The following ZNRF3 variants were observed in gnomAD, a reference collection of about 807,000 sequenced individuals.
ZNRF3 encodes the protein E3 ubiquitin-protein ligase ZNRF3.
Under a neutral mutation model 72.5 loss-of-function variants are expected in ZNRF3, and 23 were observed. The ratio of observed to expected loss-of-function variants is 0.32; its 90% CI spans 0.23 to 0.45. The LOEUF (loss-of-function observed/expected upper bound fraction) is 0.45, where lower values mean the gene tolerates loss of function less well. Ranked by LOEUF, ZNRF3 falls within the 20% of genes least tolerant of loss-of-function variation. ZNRF3 has a pLI of 1.00. For synonymous variants in ZNRF3, 610 were observed against 545.3 expected (o/e 1.12, Z -1.65); for missense variants, 1,169 against 1,272.1 (o/e 0.92, Z 1.23).
intron 2 of ZNRF3, among the ~76,000 whole-genome samples, chr22:29,037,046 G>A (rs1224454239): frequency 2.0e-5 from 3 of 152,186 alleles, no homozygotes; most frequent in African/African-American, 7.2e-5. Flanking sequence ...TGGGACAAAT[G>A]AGATTTTTAG....
chr22:29,025,247 G>T (rs972467628), intron 2 of ZNRF3: 3 of 152,184 alleles, frequency 2.0e-5, no homozygotes, highest in Admixed American at 1.3e-4. Flanking sequence ...CTCCCAAAGT[G>T]CTGGGATTAC....
In ZNRF3 at chr22:29,049,662, G is replaced by A. The variant is rs1214956264; in HGVS notation, c.1481G>A (p.Gly494Asp). The A allele has an allele frequency of 1.2e-6, 2 of 1,609,084 alleles. No homozygotes were observed. Among genetic ancestry groups the A allele is most frequent in the Admixed American group, 1.7e-5 (1 of 59,880 alleles). The change falls in exon 8 of 9, where the codon GGC becomes GAC. Residue 494 changes from glycine (G) to aspartate (D), a missense_variant. Coordinates refer to ENST00000544604, the MANE Select transcript of ZNRF3 (RefSeq NM_001206998.2). The surrounding 1 kb of genome is among the most constrained non-coding windows in gnomAD (Gnocchi z 5.2). ...TCCCCACCTAGCCTCGCACCCCGGG[G>A]CCCGGCCCGTGCCTTTCCTCCGAGC... ...GQSPPSLAPR[G>D]PARAFPPSGS...
At chr22:28,975,683 G>A (rs1043529402) in intron 1 of ZNRF3, among the ~76,000 whole-genome samples, 20 of 152,052 alleles carry the variant, frequency 1.3e-4, no homozygotes, top group Middle Eastern at 3.4e-3. Flanking sequence ...ATTGCAGTGA[G>A]CTGAGATCGC....
chr22:28,942,126 C>T (rs182089308), intron 1 of ZNRF3, among the ~76,000 whole-genome samples: 1 of 152,362 alleles, frequency 6.6e-6, no homozygotes, highest in African/African-American at 2.4e-5. Context: ...ATGTGTACCT[C>T]TAGCCCGGTG....
intron 1 of ZNRF3, among the ~76,000 whole-genome samples, chr22:28,885,339 G>A (rs1465592689): frequency 1.3e-5 from 2 of 152,064 alleles, no homozygotes; most frequent in Non-Finnish European, 2.9e-5. Context: ...GCCTTACCGG[G>A]CTCTTATCCC....
intron 1 of ZNRF3, among the ~76,000 whole-genome samples, chr22:28,940,384 C>T (rs2034918861): frequency 6.6e-6 from 1 of 151,938 alleles, no homozygotes; most frequent in South Asian, 2.1e-4. Flanking sequence ...TATTTTTTTT[C>T]TCCTTCTGGA....
chr22:28,973,644 C>G (rs1470431140), intron 1 of ZNRF3, among the ~76,000 whole-genome samples: 1 of 152,172 alleles, frequency 6.6e-6, no homozygotes, highest in African/African-American at 2.4e-5. Context: ...AGGCCCTTCA[C>G]TAAAGTGCTC....
At chr22:29,016,014 CAAA>C (rs34796724) in intron 2 of ZNRF3, among the ~76,000 whole-genome samples, 1 of 102,458 alleles carries the variant, frequency 9.8e-6, no homozygotes, top group Non-Finnish European at 2.0e-5. Context: ...GAAACTGTCT[CAAA>C]AAAAAAAAAA....
At chr22:28,920,503 T>C (rs528856930) in intron 1 of ZNRF3, among the ~76,000 whole-genome samples, 2 of 152,262 alleles carry the variant, frequency 1.3e-5, no homozygotes, top group South Asian at 4.1e-4. Context: ...ACTCCTGACC[T>C]CAAGTGATCC....
intron 1 of ZNRF3, among the ~76,000 whole-genome samples, chr22:28,933,228 GA>G (rs2034744506): frequency 6.6e-6 from 1 of 152,088 alleles, no homozygotes; most frequent in African/African-American, 2.4e-5. Context: ...AACTTCTCTG[GA>G]AATTATTGGA....
At chr22:28,924,395 C>T (rs968143798) in intron 1 of ZNRF3, among the ~76,000 whole-genome samples, 1 of 152,152 alleles carries the variant, frequency 6.6e-6, no homozygotes, top group Admixed American at 6.5e-5. Context: ...GTGCTTTCCT[C>T]TGGTGGGGTT....
chr22:28,904,048 G>A (rs977891393), intron 1 of ZNRF3, among the ~76,000 whole-genome samples: 1 of 152,038 alleles, frequency 6.6e-6, no homozygotes, highest in South Asian at 2.1e-4. Flanking sequence ...TTAATCTGGC[G>A]TTAGAGAGTG....
intron 2 of ZNRF3, among the ~76,000 whole-genome samples, chr22:29,040,356 T>C (rs553161312): frequency 6.6e-6 from 1 of 152,282 alleles, no homozygotes; most frequent in South Asian, 2.1e-4. Context: ...ATTTTTTGCA[T>C]TTTTAGTAGA....
intron 1 of ZNRF3, among the ~76,000 whole-genome samples, chr22:28,886,321 A>G (rs1334699021): frequency 6.6e-6 from 1 of 152,258 alleles, no homozygotes; most frequent in Non-Finnish European, 1.5e-5. Context: ...CTGAGAGGGA[A>G]TATAACATTT....
chr22:28,884,291 C>T (rs2033728447), intron 1 of ZNRF3, among the ~76,000 whole-genome samples: 1 of 152,040 alleles, frequency 6.6e-6, no homozygotes, highest in South Asian at 2.1e-4. Context: ...TCCTGTGAAC[C>T]CCGGGGCGGG....
chr22:29,038,971 G>T (rs1312876009), intron 2 of ZNRF3, among the ~76,000 whole-genome samples: 14 of 151,920 alleles, frequency 9.2e-5, no homozygotes, highest in Non-Finnish European at 1.6e-4. Context: ...TATATAGAGA[G>T]AGAGAGAGAG....
intron 2 of ZNRF3, among the ~76,000 whole-genome samples, chr22:28,999,921 A>G (rs1027120227): frequency 6.6e-6 from 1 of 152,206 alleles, no homozygotes; most frequent in Non-Finnish European, 1.5e-5. Context: ...AGCCTTGGTC[A>G]CAAGACCTCA....
In ZNRF3 at chr22:29,050,468, C is replaced by A. The variant is rs1160479608; in HGVS notation, c.2287C>A (p.Pro763Thr). 1 of 1,612,500 alleles carries A rather than the reference C, an allele frequency of 6.2e-7. No homozygotes were observed. The highest frequency in any genetic ancestry group is 1.3e-5 in the African/African-American group (1 of 74,936). ...GSSQGLYGLH[P>T]DHLPRTDGVK... ...CTCCCAGGGCTTGTACGGCCTTCAC[C>A]CCGACCATTTGCCCAGGACAGATGG... The change falls in exon 8 of 9, where the codon CCC (proline) becomes ACC (threonine). Residue 763 changes from proline to threonine, a missense_variant. By Grantham distance (38) the Pro-to-Thr change is conservative (BLOSUM62 -1). This residue lies in a region of ZNRF3 where 783 missense variants were observed against 731.4 expected (regional missense o/e 1.07). Coordinates refer to ENST00000544604, the MANE Select transcript of ZNRF3 (RefSeq NM_001206998.2).
rs191417277 is a variant in ZNRF3 at position 28,919,598 on chromosome 22, G to A, written c.300+35532G>A. 2.1e-3 allele frequency among the ~76,000 whole-genome samples: 322 copies of A among 151,050 alleles called. 3 individuals carry two copies. Among genetic ancestry groups the A allele is most frequent in the Middle Eastern group, 6.8e-3 (2 of 294 alleles). ...TCTGTCACCCAGGCTGGAGTGCAGT[G>A]GTGCGATCTTGGCTCACTGCACCTC... On this transcript the variant is annotated intron_variant, in intron 1 of 8. Transcript: ENST00000544604.
Sources: allele counts gnomAD v4.1 joint callset (sites outside exome capture counted in the v4.1 genomes callset), GRCh38; gene constraint gnomAD v4.1.1; regional missense constraint gnomAD v4.1.1; non-coding constraint Gnocchi (gnomAD v3.1); transcripts MANE v1.5; gene names NCBI Gene and HGNC (gene_info 2026-07-23, HGNC 2026-07-21).